ASIC2: variants seen among roughly 807,000 people sequenced by gnomAD.
ASIC2 encodes acid-sensing ion channel 2.
A neutral mutation model predicts 57.3 loss-of-function variants in ASIC2; 25 were observed. That is an observed-to-expected ratio of 0.44 (90% CI 0.32 to 0.61). The LOEUF (loss-of-function observed/expected upper bound fraction) is 0.61. Ranked by LOEUF, ASIC2 falls within the 20% of genes least tolerant of loss-of-function variation. The pLI is 0.06. For synonymous variants in ASIC2, 319 were observed against 307.5 expected (o/e 1.04, Z -0.39); for missense variants, 641 against 738.1 (o/e 0.87, Z 1.52).
chr17:33,678,350 A>C (rs1370074337), intron 1 of ASIC2, among the ~76,000 whole-genome samples: 1 of 151,650 alleles, frequency 6.6e-6, no homozygotes, highest in Non-Finnish European at 1.5e-5. Context: ...ATATCTCTGA[A>C]TTATGCCTTT....
chr17:33,260,825 C>G (rs1473498370), intron 1 of ASIC2, among the ~76,000 whole-genome samples: 2 of 152,178 alleles, frequency 1.3e-5, no homozygotes, highest in African/African-American at 2.4e-5. Flanking sequence ...CGTGCAGGTG[C>G]AGCCCCAGTG....
intron 1 of ASIC2, among the ~76,000 whole-genome samples, chr17:33,622,784 G>A (rs968887718): frequency 6.6e-6 from 1 of 152,188 alleles, no homozygotes; most frequent in African/African-American, 2.4e-5. Context: ...CCAAAATACA[G>A]CTGCACACAT....
intron 2 of ASIC2, among the ~76,000 whole-genome samples, chr17:33,107,215 A>G (rs1452086419): frequency 6.6e-6 from 1 of 152,184 alleles, no homozygotes; most frequent in Non-Finnish European, 1.5e-5. Flanking sequence ...CCTGGCCATG[A>G]AATCTGCACT....
chr17:33,582,406 G>A (rs1374720944), intron 1 of ASIC2, among the ~76,000 whole-genome samples: 1 of 152,226 alleles, frequency 6.6e-6, no homozygotes, highest in Non-Finnish European at 1.5e-5. Flanking sequence ...ATTCCAGGAT[G>A]TGTTCAACCG....
At chr17:33,208,288 G>A (rs897464157) in intron 1 of ASIC2, among the ~76,000 whole-genome samples, 1 of 152,172 alleles carries the variant, frequency 6.6e-6, no homozygotes, top group African/African-American at 2.4e-5. Flanking sequence ...CATGATTCCA[G>A]GTGGGGTAAT....
Position 34,008,282 on chromosome 17 carries a change from G to A in ASIC2, c.555+147696C>T, listed in dbSNP as rs76383789. Among the ~76,000 whole-genome samples the A allele has an allele frequency of 3.4e-3, 516 of 152,190 alleles. 4 individuals are homozygous for A. Among genetic ancestry groups the A allele is most frequent in the African/African-American group, 9.5e-3 (396 of 41,526 alleles). On this transcript the variant is annotated intron_variant, in intron 1 of 9. Coordinates refer to the ASIC2 transcript ENST00000359872. ...AAAGACCAGAAAGTTGAAATGACCC[G>A]CCCAAACTTGTTCTACAGTAAGCCA...
At chr17:33,601,952 T>C (rs185440893) in intron 1 of ASIC2, among the ~76,000 whole-genome samples, 1 of 152,360 alleles carries the variant, frequency 6.6e-6, no homozygotes, top group African/African-American at 2.4e-5. Flanking sequence ...CTCCCTTTTG[T>C]AATGGACATA....
At chr17:33,827,575 A>ATC (rs1456604100) in intron 1 of ASIC2, among the ~76,000 whole-genome samples, 6 of 148,160 alleles carry the variant, frequency 4.0e-5, no homozygotes, top group African/African-American at 1.2e-4. Context: ...TGATTTCCTG[A>ATC]CCAAGTGATC....
chr17:33,208,206 A>G (rs895957602), intron 1 of ASIC2, among the ~76,000 whole-genome samples: 4 of 152,182 alleles, frequency 2.6e-5, no homozygotes, highest in African/African-American at 9.7e-5. Context: ...GGTGCATCTT[A>G]CCTGCTGGTG....
At chr17:33,956,765 C>A (rs1003855042) in intron 1 of ASIC2, among the ~76,000 whole-genome samples, 8 of 152,222 alleles carry the variant, frequency 5.3e-5, no homozygotes, top group Admixed American at 2.6e-4. Context: ...TGTGGGTCTG[C>A]CAAATACCGT....
chr17:33,630,216 T>G (rs892615153), intron 1 of ASIC2, among the ~76,000 whole-genome samples: 1 of 152,148 alleles, frequency 6.6e-6, no homozygotes, highest in African/African-American at 2.4e-5. Context: ...CTTCAGCTTC[T>G]TCATCTATCA....
intron 1 of ASIC2, among the ~76,000 whole-genome samples, chr17:33,374,821 A>C (rs1483591888): frequency 6.6e-6 from 1 of 152,156 alleles, no homozygotes; most frequent in African/African-American, 2.4e-5. Context: ...GAGTGTCTGA[A>C]TGGTTAAGTA....
At chr17:33,061,884 T>A (rs896985745) in intron 3 of ASIC2, among the ~76,000 whole-genome samples, 16 of 152,232 alleles carry the variant, frequency 1.1e-4, no homozygotes, top group Non-Finnish European at 2.2e-4. Context: ...CCTGGTTTAG[T>A]CTCAGAAGGG....
intron 7 of ASIC2, among the ~76,000 whole-genome samples, chr17:33,019,951 C>T (rs2091828351): frequency 6.6e-6 from 1 of 152,100 alleles, no homozygotes; most frequent in Non-Finnish European, 1.5e-5. Context: ...GTCCTGGGTC[C>T]TCTTTATGGA....
At chr17:33,086,590 C>T (rs1038757223) in intron 3 of ASIC2, among the ~76,000 whole-genome samples, 3 of 152,172 alleles carry the variant, frequency 2.0e-5, no homozygotes, top group Non-Finnish European at 4.4e-5. Flanking sequence ...TCTTCTGAGC[C>T]CTCTTCTCTT....
intron 1 of ASIC2, among the ~76,000 whole-genome samples, chr17:33,591,696 G>A (rs976886634): frequency 5.9e-5 from 9 of 152,166 alleles, no homozygotes; most frequent in Non-Finnish European, 1.2e-4. Flanking sequence ...GACTGATATA[G>A]GGGCACAAAA....
At chr17:33,827,148 T>A (rs1204234692) in intron 1 of ASIC2, among the ~76,000 whole-genome samples, 1 of 152,050 alleles carries the variant, frequency 6.6e-6, no homozygotes, top group Non-Finnish European at 1.5e-5. Flanking sequence ...AGCTTCCTTA[T>A]CTATTAAATG....
rs115137109 is a variant in ASIC2, at chr17:33,045,089, G to A, written c.988-16697C>T. 8.1e-3 allele frequency among the ~76,000 whole-genome samples: 1,227 copies of A among 152,208 alleles called. 14 individuals carry two copies. Among genetic ancestry groups the A allele is most frequent in the African/African-American group, 0.028 (1,144 of 41,516 alleles). ...AGTGTTGGGCTGGGGTACAATGCCC[G>A]GTGCCTATGGAGCAGCCCCAACACT... On this transcript the variant is annotated intron_variant, in intron 3 of 9. Coordinates refer to ENST00000225823, the MANE Select transcript of ASIC2 (RefSeq NM_183377.2).
chr17:33,550,427 A>G (rs1347529204), intron 1 of ASIC2, among the ~76,000 whole-genome samples: 2 of 152,218 alleles, frequency 1.3e-5, no homozygotes, highest in African/African-American at 4.8e-5. Flanking sequence ...ACAGGGCGGG[A>G]CAAATCACAG....
Sources: gnomAD v4.1 joint callset for allele counts (sites outside exome capture counted in the v4.1 genomes callset) on GRCh38, gnomAD v4.1.1 for gene constraint, MANE v1.5 for transcripts, NCBI Gene and HGNC (gene_info 2026-07-23, HGNC 2026-07-21) for gene names.